Variants in PLEKHO2 observed in about 807,000 individuals in gnomAD.
PLEKHO2 encodes the protein pleckstrin homology domain containing O2, also known as pleckstrin homology domain-containing family O member 2.
PLEKHO2 carries 20 observed loss-of-function variants against 32.7 expected under a neutral mutation model. That is an observed-to-expected ratio of 0.61 (90% CI 0.43 to 0.89). The LOEUF (loss-of-function observed/expected upper bound fraction) is 0.89, where lower values mean the gene tolerates loss of function less well. Ranked by LOEUF, PLEKHO2 falls within the 40% of genes least tolerant of loss-of-function variation. The probability of loss-of-function intolerance (pLI) is 0.00; values close to 1 mark genes in which losing one functional copy is unlikely to be tolerated. For synonymous variants in PLEKHO2, 247 were observed against 246.3 expected (o/e 1.00, Z -0.03); for missense variants, 568 against 621.2 (o/e 0.91, Z 0.91).
rs866438892 is a variant in PLEKHO2 at position 64,853,426 on chromosome 15, G to A, written c.163-1495G>A. 5.3e-5 allele frequency among the ~76,000 whole-genome samples: 8 copies of A among 151,492 alleles called. No homozygotes were observed. In the South Asian group the frequency reaches 8.4e-4, roughly 16 times the overall value. The stretch of plus-strand genomic sequence containing the variant: ...CAAGTAGCTGGGACTACAGGTGCCC[G>A]CCACCACGCCCGGCTAACTGCCCGG... On this transcript the variant is annotated intron_variant, in intron 2 of 5. Transcript: ENST00000323544.
Position 64,842,754 on chromosome 15 carries a change from C to CT in PLEKHO2, c.12+728dup, listed in dbSNP as rs371842798. Among the ~76,000 whole-genome samples, 486 of 152,316 alleles carry CT rather than the reference C, an allele frequency of 3.2e-3. 1 individual carries two copies. The highest frequency in any genetic ancestry group is 5.7e-3 in the Non-Finnish European group (387 of 68,014). ...GGACCAACTGTGTCCCTGGAGCCTC[C>CT]TTCTAACCACTCAAAACACTCTTGG... On this transcript the variant is annotated intron_variant, in intron 1 of 5. Transcript: ENST00000323544.
intron 5 of PLEKHO2, among the ~76,000 whole-genome samples, chr15:64,864,498 G>A (rs142318464): frequency 2.1e-3 from 325 of 152,256 alleles, no homozygotes; most frequent in African/African-American, 7.4e-3. Flanking sequence ...TGATGGGTAG[G>A]TGGGTTGCAG....
chr15:64,848,410 ATTG>A (rs745681095), intron 1 of PLEKHO2, among the ~76,000 whole-genome samples, 180 bp from the exon 2 acceptor site: 3 of 152,140 alleles, frequency 2.0e-5, no homozygotes, highest in Admixed American at 6.6e-5. Flanking sequence ...TGCTGCTATT[ATTG>A]TTGTTATTAG....
At chr15:64,850,044 C>T (rs1428882770) in intron 2 of PLEKHO2, among the ~76,000 whole-genome samples, 1 of 151,756 alleles carries the variant, frequency 6.6e-6, no homozygotes, top group Non-Finnish European at 1.5e-5. Flanking sequence ...TCCGTAATGC[C>T]AGCTACTCAG....
chr15:64,863,426 G>A (rs1461900217), intron 5 of PLEKHO2, among the ~76,000 whole-genome samples: 1 of 152,116 alleles, frequency 6.6e-6, no homozygotes, highest in African/African-American at 2.4e-5. Flanking sequence ...AGGAATGCCT[G>A]ATGGGGGCCG....
At chr15:64,849,764 T>C (rs2084552855) in intron 2 of PLEKHO2, among the ~76,000 whole-genome samples, 1 of 149,096 alleles carries the variant, frequency 6.7e-6, no homozygotes, top group South Asian at 2.2e-4. Context: ...GAACTGTATG[T>C]GCATCTAGTG....
intron 3 of PLEKHO2, among the ~76,000 whole-genome samples, chr15:64,857,485 C>A (rs2084612880): frequency 6.6e-6 from 1 of 152,196 alleles, no homozygotes; most frequent in Non-Finnish European, 1.5e-5. Flanking sequence ...CAGGCACACA[C>A]CGTCATGCCT....
rs1228600714 is a variant in PLEKHO2, at chr15:64,864,902, G to T, written c.487G>T (p.Ala163Ser). Residue 163 changes from alanine (A) to serine (S), a missense_variant, in exon 6 of 6, where the codon GCC (alanine) becomes TCC (serine). Physicochemically the swap from Ala to Ser is moderately conservative, Grantham distance 99. Transcript: ENST00000323544. ...CATATACCATCCCCCCCACCAGGTGGCCAGTGCAGCTTCTGACGGTCTTCT... is the reference window on the plus strand; with the variant it reads ...CATATACCATCCCCCCCACCAGGTGTCCAGTGCAGCTTCTGACGGTCTTCT... Reference protein sequence around the residue: ...PPTRVHLKEVASAASDGLLRL... With the variant: ...PPTRVHLKEVSSAASDGLLRL... 1.6e-5 allele frequency: 25 copies of T among 1,595,594 alleles called. No homozygotes were observed. Among genetic ancestry groups the T allele is most frequent in the Non-Finnish European group, 2.0e-5 (23 of 1,169,346 alleles).
intron 1 of PLEKHO2, among the ~76,000 whole-genome samples, chr15:64,847,780 G>A (rs1245372145): frequency 6.6e-6 from 1 of 150,658 alleles, no homozygotes; most frequent in Non-Finnish European, 1.5e-5. Flanking sequence ...ACCAGATGTG[G>A]TGGCCACCCT....
chr15:64,848,152 T>C lies in PLEKHO2; in HGVS notation c.13-441T>C, dbSNP rs577911773. On this transcript the variant is annotated intron_variant, in intron 1 of 5. Coordinates refer to ENST00000323544, the MANE Select transcript of PLEKHO2 (RefSeq NM_025201.5). ...ATGTTGTAAGCACTCAGTACATTTG[T>C]TGACTGATTGAATGAACACATGGAA... Among the ~76,000 whole-genome samples the C allele has an allele frequency of 1.6e-4, 25 of 152,330 alleles. No individual in the cohort carries two copies. In the South Asian group the frequency reaches 5.2e-3, roughly 32 times the overall value.
At chr15:64,864,828 G>A (rs557815251) in intron 5 of PLEKHO2, 71 bp from the exon 6 acceptor site, 22 of 1,499,802 alleles carry the variant, frequency 1.5e-5, no homozygotes, top group East Asian at 6.8e-5. Flanking sequence ...GTAAGAACTC[G>A]TGTCAGTGGG....
chr15:64,859,769 G>C, intron 3 of PLEKHO2, 125 bp from the exon 4 acceptor site: 3 of 762,812 alleles, frequency 3.9e-6, no homozygotes, highest in Non-Finnish European at 6.9e-6. Flanking sequence ...CAAAGCCCCA[G>C]TGTCATACTT....
intron 3 of PLEKHO2, among the ~76,000 whole-genome samples, chr15:64,855,529 C>T: frequency 6.6e-6 from 1 of 152,228 alleles, no homozygotes; most frequent in African/African-American, 2.4e-5. Context: ...AGGAGGCCTG[C>T]AGCCCCCCAG....
intron 1 of PLEKHO2, 60 bp downstream of exon 1, chr15:64,842,088 C>T (rs1181936919): frequency 3.1e-5 from 38 of 1,219,180 alleles, no homozygotes; most frequent in East Asian, 3.2e-5. Flanking sequence ...ACGGGGATTG[C>T]GGTCCTGGGC....
rs1404337268 is a variant in PLEKHO2, at chr15:64,865,336, G to A, written c.921G>A (p.Gly307=). 5.0e-6 allele frequency: 8 copies of A among 1,613,850 alleles called. No individual in the cohort carries two copies. Among genetic ancestry groups the A allele is most frequent in the South Asian group, 2.2e-5 (2 of 91,054 alleles). Residue 307 remains glycine, a synonymous_variant, in exon 6 of 6, where the codon GGG becomes GGA. Coordinates refer to ENST00000323544, the MANE Select transcript of PLEKHO2 (RefSeq NM_025201.5). ...CTGAGGCTGCCCCCAGGGAGGGTGG[G>A]AAGCCCCCTACACCCCCACCCAAGA... ...ETSEAAPREG[G]KPPTPPPKIL...
chr15:64,864,887 C>T lies in PLEKHO2; in HGVS notation c.484-12C>T. On this transcript the variant is annotated splice_polypyrimidine_tract_variant and intron_variant, in intron 5 of 5. Transcript: ENST00000323544. The stretch of plus-strand genomic sequence containing the variant: ...AGCCAAGATGACACCCATATACCAT[C>T]CCCCCCACCAGGTGGCCAGTGCAGC... The T allele has an allele frequency of 6.7e-7, 1 of 1,495,020 alleles. No homozygotes were observed. The highest frequency in any genetic ancestry group is 8.8e-7 in the Non-Finnish European group (1 of 1,134,348). 92.6% of individuals were successfully genotyped at this position (1,495,020 alleles called of 1,614,324 possible).
Position 64,848,621 on chromosome 15 carries a change from G to C in PLEKHO2, c.41G>C (p.Arg14Pro). The change falls in exon 2 of 6, where the codon CGG becomes CCG. Residue 14 changes from arginine to proline, a missense_variant. Coordinates refer to ENST00000323544, the MANE Select transcript of PLEKHO2 (RefSeq NM_025201.5). ...EGVKEAGEKP[R>P]GAQMVDKAGW... ...GTGAAGGAAGCCGGTGAGAAGCCTCGGGGAGCACAGATGGTGGACAAGGCT... is the reference window on the plus strand; with the variant it reads ...GTGAAGGAAGCCGGTGAGAAGCCTCCGGGAGCACAGATGGTGGACAAGGCT... The C allele has an allele frequency of 6.2e-7, 1 of 1,614,148 alleles. No homozygotes were observed.
In PLEKHO2 at chr15:64,861,593, G is replaced by T; in HGVS notation, c.483+18G>T. ...TGAAGGAGGTAGGGCCTTACCCAGTGTGGATGTTGGGGTTAGTTGAGCCTA... is the reference window on the plus strand; with the variant it reads ...TGAAGGAGGTAGGGCCTTACCCAGTTTGGATGTTGGGGTTAGTTGAGCCTA... On this transcript the variant is annotated intron_variant, in intron 5 of 5. Transcript: ENST00000323544. 6.4e-7 allele frequency: 1 copy of T among 1,564,720 alleles called. No individual in the cohort carries two copies. The highest frequency in any genetic ancestry group is 8.7e-7 in the Non-Finnish European group (1 of 1,155,286).
Position 64,865,858 on chromosome 15 carries a change from G to T in PLEKHO2, c.1443G>T (p.Leu481=). 6.2e-7 allele frequency: 1 copy of T among 1,609,328 alleles called. No homozygotes were observed. Among genetic ancestry groups the T allele is most frequent in the Non-Finnish European group, 8.5e-7 (1 of 1,179,932 alleles). The change falls in exon 6 of 6, where the codon CTG becomes CTT. Residue 481 remains leucine (L), a synonymous_variant. Coordinates refer to ENST00000323544, the MANE Select transcript of PLEKHO2 (RefSeq NM_025201.5). ...APGLREKRKE[L]VTLYRRSAP The stretch of plus-strand genomic sequence containing the variant: ...GGCTAAGGGAGAAGCGGAAGGAGCT[G>T]GTGACCCTCTACAGGAGAAGTGCAC...
Sources: gnomAD v4.1 joint callset for allele counts (sites outside exome capture counted in the v4.1 genomes callset) on GRCh38, gnomAD v4.1.1 for gene constraint, MANE v1.5 for transcripts, NCBI Gene and HGNC (gene_info 2026-07-23, HGNC 2026-07-21) for gene names.